Variants in TBX5 observed in about 807,000 individuals in gnomAD.
TBX5 encodes T-box transcription factor TBX5.
Under a neutral mutation model 51.1 loss-of-function variants are expected in TBX5, and 8 were observed. That is an observed-to-expected ratio of 0.16 (90% CI 0.09 to 0.28). TBX5 has a LOEUF of 0.28. Ranked by LOEUF, TBX5 falls within the 10% of genes least tolerant of loss-of-function variation. The probability of loss-of-function intolerance (pLI) is 1.00; values close to 1 mark genes in which losing one functional copy is unlikely to be tolerated. For synonymous variants in TBX5, 302 were observed against 266.4 expected (o/e 1.13, Z -1.30); for missense variants, 589 against 671.7 (o/e 0.88, Z 1.36).
intron 5 of TBX5, among the ~76,000 whole-genome samples, chr12:114,395,751 G>A (rs1250972445): frequency 6.6e-6 from 1 of 152,102 alleles, no homozygotes; most frequent in Non-Finnish European, 1.5e-5. Context: ...CCCATATTTA[G>A]GGGTGTTCCC....
intron 8 of TBX5, among the ~76,000 whole-genome samples, chr12:114,360,850 A>G (rs1869201526): frequency 6.6e-6 from 1 of 152,122 alleles, no homozygotes; most frequent in South Asian, 2.1e-4. Context: ...CCATGCTCTT[A>G]GCATAAAGTA....
chr12:114,377,965 G>A (rs1870286445), intron 7 of TBX5, among the ~76,000 whole-genome samples: 1 of 152,016 alleles, frequency 6.6e-6, no homozygotes, highest in African/African-American at 2.4e-5. Flanking sequence ...GAGACATCCT[G>A]GACTCCAAAC....
rs1253065126 is a variant in TBX5 at position 114,370,268 on chromosome 12, GAAAAGAAAAGAAAAGAAAAGAAAGA to G, written c.756-3902_756-3878del. Among the ~76,000 whole-genome samples, 178 of 63,528 alleles carry G rather than the reference GAAAAGAAAAGAAAAGAAAAGAAAGA, an allele frequency of 2.8e-3. 4 individuals carry two copies. Among genetic ancestry groups the G allele is most frequent in the Non-Finnish European group, 4.2e-3 (107 of 25,746 alleles). The allele number at this position is 63,528 out of a possible 152,430, so 41.7% of individuals were successfully genotyped here. A position where few individuals can be genotyped will look rare whatever the true frequency, so the allele number is the denominator to read the frequency against. On this transcript the variant is annotated intron_variant, in intron 7 of 8. Transcript: ENST00000405440. ...GAAAAGAAAAGAAAAGAAAAGAAAA[GAAAAGAAAAGAAAAGAAAAGAAAGA>G]AAAGAAAAGAAAAGAAAAGAAAGAA...
intron 7 of TBX5, among the ~76,000 whole-genome samples, chr12:114,380,622 G>T (rs112853014): frequency 0.014 from 2,184 of 151,602 alleles, 56 homozygotes; most frequent in African/African-American, 0.049. Flanking sequence ...AGGATTGCTT[G>T]AGACCAGGAG....
chr12:114,404,983 C>A (rs1453057025), intron 1 of TBX5, among the ~76,000 whole-genome samples: 2 of 152,206 alleles, frequency 1.3e-5, no homozygotes, highest in African/African-American at 4.8e-5. Flanking sequence ...TGTTCAAGCC[C>A]GATGAGCCTG....
At chr12:114,399,321 A>AC (rs1415895287) in intron 4 of TBX5, among the ~76,000 whole-genome samples, 192 bp downstream of exon 4, 1 of 152,028 alleles carries the variant, frequency 6.6e-6, no homozygotes, top group African/African-American at 2.4e-5. Context: ...CATCTGGAAA[A>AC]CCGGAGCTAA....
Position 114,356,088 on chromosome 12 carries a change from G to A in TBX5, c.1001C>T (p.Thr334Ile). Residue 334 changes from threonine to isoleucine, a missense_variant, in exon 9 of 9, where the codon ACA (threonine) becomes ATA (isoleucine). Thr to Ile is a moderately conservative substitution (Grantham distance 89, BLOSUM62 -1). Transcript: ENST00000405440. ...TKRKEEECSTTDHPYKKPYME... is the reference protein window; with the variant it reads ...TKRKEEECSTIDHPYKKPYME... ...GTAGGGCTTCTTATAGGGATGGTCTGTGGTGGAACATTCTTCCTCTGTGAA... is the reference window on the plus strand; with the variant it reads ...GTAGGGCTTCTTATAGGGATGGTCTATGGTGGAACATTCTTCCTCTGTGAA... 1 of 1,612,270 alleles carries A rather than the reference G, an allele frequency of 6.2e-7. No homozygotes were observed. Among genetic ancestry groups the A allele is most frequent in the Non-Finnish European group, 8.5e-7 (1 of 1,180,026 alleles).
rs79139632 is a variant in TBX5 at position 114,376,274 on chromosome 12, T to TAC, written c.755+9200_755+9201dup. Among the ~76,000 whole-genome samples the TAC allele has an allele frequency of 6.3e-3, 918 of 144,924 alleles. 5 individuals carry two copies. Among genetic ancestry groups the TAC allele is most frequent in the Non-Finnish European group, 8.2e-3 (541 of 66,146 alleles). On this transcript the variant is annotated intron_variant, in intron 7 of 8. Coordinates refer to ENST00000405440, the MANE Select transcript of TBX5 (RefSeq NM_181486.4). ...AAAGAAAATGTGGTGTGTATATATA[T>TAC]ACACACACACACACACACTAGAATA...
chr12:114,397,427 C>T (rs1403830334), intron 5 of TBX5, among the ~76,000 whole-genome samples: 1 of 152,230 alleles, frequency 6.6e-6, no homozygotes, highest in Non-Finnish European at 1.5e-5. Flanking sequence ...AATGTACCCA[C>T]TTGTATGGCA....
chr12:114,367,912 C>T (rs1237656958), intron 7 of TBX5, among the ~76,000 whole-genome samples: 2 of 152,096 alleles, frequency 1.3e-5, no homozygotes, highest in Admixed American at 6.5e-5. Flanking sequence ...TGCATTTAAT[C>T]ATATTATTCT....
At chr12:114,380,171 C>T (rs1369772753) in intron 7 of TBX5, among the ~76,000 whole-genome samples, 2 of 152,108 alleles carry the variant, frequency 1.3e-5, no homozygotes, top group Admixed American at 1.3e-4. Flanking sequence ...CCTACTCTGC[C>T]CCAGTCCCAG....
chr12:114,387,333 T>C (rs1273223582), intron 6 of TBX5, among the ~76,000 whole-genome samples: 2 of 152,374 alleles, frequency 1.3e-5, no homozygotes, highest in East Asian at 3.9e-4. Flanking sequence ...GGTTTACCTC[T>C]AACCCCAAAA....
At chr12:114,381,375 G>A (rs368505471) in intron 7 of TBX5, among the ~76,000 whole-genome samples, 26 of 152,104 alleles carry the variant, frequency 1.7e-4, no homozygotes, top group Non-Finnish European at 2.4e-4. Context: ...TGAGCCTGCC[G>A]TTCCTGCCTG....
rs892604030 is a variant in TBX5, at chr12:114,355,262, G to A, written c.*270C>T. 2.0e-6 allele frequency: 1 copy of A among 508,182 alleles called. No individual in the cohort carries two copies. The highest frequency in any genetic ancestry group is 3.7e-6 in the Non-Finnish European group (1 of 273,064). The allele number at this position is 508,182 out of a possible 1,614,324, so 31.5% of individuals were successfully genotyped here. A position where few individuals can be genotyped will look rare whatever the true frequency, so the allele number is the denominator to read the frequency against. On this transcript the variant is annotated 3_prime_UTR_variant, in exon 9 of 9. Coordinates refer to ENST00000405440, the MANE Select transcript of TBX5 (RefSeq NM_181486.4). ...AGTAGCGTGAATGTGGCTGGTTGAT[G>A]GGTGTGGTGGTAGTGGGGGGTGGGA...
intron 7 of TBX5, among the ~76,000 whole-genome samples, chr12:114,378,523 A>G (rs1025567093): frequency 7.2e-5 from 11 of 152,222 alleles, no homozygotes; most frequent in South Asian, 2.1e-4. Flanking sequence ...GTGTGCTTCC[A>G]TGCCTGCTGA....
intron 5 of TBX5, among the ~76,000 whole-genome samples, chr12:114,397,711 G>A (rs1871512642): frequency 6.6e-6 from 1 of 152,194 alleles, no homozygotes. Context: ...CAGACTCCAA[G>A]TTTAGGACCC....
chr12:114,366,430 C>T, intron 7 of TBX5, 39 bp from the exon 8 acceptor site: 1 of 1,591,506 alleles, frequency 6.3e-7, no homozygotes, highest in Middle Eastern at 1.9e-4. Context: ...CTATCAGTGC[C>T]CTGATACAGA....
intron 8 of TBX5, among the ~76,000 whole-genome samples, chr12:114,359,667 A>G (rs1213904088): frequency 2.6e-5 from 4 of 152,166 alleles, no homozygotes; most frequent in African/African-American, 7.2e-5. Context: ...GATATTTTTG[A>G]TTCCGGATAA....
intron 3 of TBX5, among the ~76,000 whole-genome samples, chr12:114,400,731 T>C (rs913438867): frequency 6.6e-6 from 1 of 152,246 alleles, no homozygotes; most frequent in Admixed American, 6.5e-5. Context: ...GTGTCTTTCC[T>C]TCCTGGGGGA....
Sources: gnomAD v4.1 joint callset for allele counts (sites outside exome capture counted in the v4.1 genomes callset) on GRCh38, gnomAD v4.1.1 for gene constraint, MANE v1.5 for transcripts, NCBI Gene and HGNC (gene_info 2026-07-23, HGNC 2026-07-21) for gene names.